Variants in GRM5 observed in about 807,000 individuals in gnomAD.
The protein encoded by GRM5 is metabotropic glutamate receptor 5.
In GRM5, 19 loss-of-function variants were observed where a neutral mutation model predicts 83.1. The observed-to-expected ratio is 0.23, with a 90% CI of 0.16 to 0.34. The LOEUF (loss-of-function observed/expected upper bound fraction) is 0.34, where lower values mean the gene tolerates loss of function less well. Ranked by LOEUF, GRM5 falls within the 10% of genes least tolerant of loss-of-function variation. The pLI is 1.00. For missense variants in GRM5, 1,160 were observed against 1,588.3 expected (o/e 0.73, Z 4.58); for synonymous variants, 675 against 633.6 (o/e 1.07, Z -0.98).
intron 3 of GRM5, among the ~76,000 whole-genome samples, chr11:88,751,085 A>C (rs1043941517): frequency 6.7e-6 from 1 of 148,188 alleles, no homozygotes; most frequent in African/African-American, 2.4e-5. Context: ...AAAAAAAAAA[A>C]AAAAAAAAAA....
At chr11:89,007,715 G>T (rs935323742) in intron 2 of GRM5, among the ~76,000 whole-genome samples, 12 of 152,190 alleles carry the variant, frequency 7.9e-5, no homozygotes, top group Admixed American at 3.9e-4. Flanking sequence ...AGAACCTCTG[G>T]TAGCAGAATG....
chr11:88,664,628 G>A (rs1190024932), intron 3 of GRM5, among the ~76,000 whole-genome samples: 2 of 152,008 alleles, frequency 1.3e-5, no homozygotes, highest in Non-Finnish European at 2.9e-5. Context: ...TGTATTTTTA[G>A]TTGTGACGGG....
intron 2 of GRM5, among the ~76,000 whole-genome samples, chr11:88,910,104 TTACTC>T (rs1182688715): frequency 1.3e-5 from 2 of 152,084 alleles, no homozygotes; most frequent in Non-Finnish European, 2.9e-5. Context: ...CTGGTAGTCT[TTACTC>T]TACTTTCTAC....
intron 2 of GRM5, among the ~76,000 whole-genome samples, chr11:88,872,077 G>A (rs1944777696): frequency 6.6e-6 from 1 of 151,418 alleles, no homozygotes; most frequent in South Asian, 2.1e-4. Context: ...TACATTTTTA[G>A]TGAGAAACAA....
intron 3 of GRM5, among the ~76,000 whole-genome samples, chr11:88,675,850 C>T (rs1940313756): frequency 6.6e-6 from 1 of 151,924 alleles, no homozygotes; most frequent in South Asian, 2.1e-4. Context: ...AATTGGGAGT[C>T]CAATGTGGCC....
At chr11:88,737,786 T>A (rs951568962) in intron 3 of GRM5, among the ~76,000 whole-genome samples, 6 of 152,086 alleles carry the variant, frequency 3.9e-5, no homozygotes, top group Admixed American at 1.3e-4. Flanking sequence ...CTATCTATAC[T>A]ACAATATGCA....
chr11:88,708,074 A>G (rs1000793295), intron 3 of GRM5, among the ~76,000 whole-genome samples: 3 of 152,120 alleles, frequency 2.0e-5, no homozygotes, highest in Admixed American at 6.6e-5. Context: ...TGTTTAAAGA[A>G]AACACTATGT....
intron 3 of GRM5, among the ~76,000 whole-genome samples, chr11:88,830,140 G>C (rs1303328545): frequency 6.6e-6 from 1 of 151,958 alleles, no homozygotes; most frequent in Non-Finnish European, 1.5e-5. Context: ...ATATGCACTA[G>C]CATAATGTCT....
At chr11:88,720,434 G>T (rs1385115595) in intron 3 of GRM5, among the ~76,000 whole-genome samples, 1 of 152,002 alleles carries the variant, frequency 6.6e-6, no homozygotes, top group Non-Finnish European at 1.5e-5. Flanking sequence ...TCAGCCTCTG[G>T]TACAAGGTAA....
Position 88,508,695 on chromosome 11 carries a change from G to A in GRM5, c.3536C>T (p.Thr1179Ile), listed in dbSNP as rs749964733. ...FRDSVDSGST[T>I]PNSPVSESAL... ...CGACTCGGACACTGGCGAGTTGGGG[G>A]TTGTGCTCCCCGAGTCCACCGAGTC... Residue 1179 changes from threonine (T) to isoleucine (I), a missense_variant, in exon 10 of 10, where the codon ACC (threonine) becomes ATC (isoleucine). By Grantham distance (89) the Thr-to-Ile change is moderately conservative. Transcript: ENST00000305447. This position sits in a 1 kb window ranked among gnomAD's most constrained non-coding sequence, Gnocchi z 4.2. 6.2e-6 allele frequency: 10 copies of A among 1,605,126 alleles called. No individual in the cohort carries two copies. Among genetic ancestry groups the A allele is most frequent in the African/African-American group, 1.4e-5 (1 of 73,618 alleles).
chr11:88,859,846 C>T (rs1470936368), intron 2 of GRM5, among the ~76,000 whole-genome samples: 4 of 152,092 alleles, frequency 2.6e-5, no homozygotes, highest in Admixed American at 2.6e-4. Flanking sequence ...CAAAAGATTA[C>T]AGATGTATGT....
At chr11:88,635,136 G>C (rs1199432822) in intron 4 of GRM5, among the ~76,000 whole-genome samples, 1 of 152,050 alleles carries the variant, frequency 6.6e-6, no homozygotes, top group Non-Finnish European at 1.5e-5. Flanking sequence ...ATGAGCATTG[G>C]GTACAGATAC....
intron 3 of GRM5, among the ~76,000 whole-genome samples, chr11:88,769,856 C>T (rs996977847): frequency 1.4e-4 from 22 of 152,010 alleles, no homozygotes; most frequent in Non-Finnish European, 1.0e-4. Flanking sequence ...GAGAGCAAAA[C>T]TCTCCACTGT....
chr11:88,919,938 A>G (rs1432544352), intron 2 of GRM5, among the ~76,000 whole-genome samples: 1 of 152,074 alleles, frequency 6.6e-6, no homozygotes, highest in Non-Finnish European at 1.5e-5. Flanking sequence ...AAGTGCCTAC[A>G]TTAAAAAGGC....
At chr11:88,894,108 T>C (rs886542308) in intron 2 of GRM5, among the ~76,000 whole-genome samples, 1 of 151,944 alleles carries the variant, frequency 6.6e-6, no homozygotes, top group Non-Finnish European at 1.5e-5. Context: ...CTCTGTTAGC[T>C]ATGTGTACTC....
intron 8 of GRM5, among the ~76,000 whole-genome samples, chr11:88,537,805 C>T (rs1172813095): frequency 4.6e-5 from 7 of 151,936 alleles, no homozygotes; most frequent in Admixed American, 4.6e-4. Flanking sequence ...TCAGATAAAT[C>T]AGATTAAAAA....
At chr11:89,061,437 A>G (rs944886518) in intron 1 of GRM5, among the ~76,000 whole-genome samples, 8 of 152,228 alleles carry the variant, frequency 5.3e-5, no homozygotes, top group African/African-American at 1.9e-4. Context: ...ATAAAATATT[A>G]AATGGGTTTT....
At chr11:88,909,500 C>G (rs1299876611) in intron 2 of GRM5, among the ~76,000 whole-genome samples, 12 of 140,024 alleles carry the variant, frequency 8.6e-5, no homozygotes, top group Non-Finnish European at 1.8e-4. Context: ...TCTCATGCTT[C>G]TTTTTAATAA....
intron 8 of GRM5, among the ~76,000 whole-genome samples, chr11:88,535,605 CT>C (rs1200064515): frequency 1.3e-5 from 2 of 152,172 alleles, no homozygotes; most frequent in African/African-American, 4.8e-5. Flanking sequence ...ATTTAAGCCA[CT>C]TTGAGTTAGG....
Sources: gnomAD v4.1 joint callset for allele counts (sites outside exome capture counted in the v4.1 genomes callset) on GRCh38, gnomAD v4.1.1 for gene constraint, Gnocchi (gnomAD v3.1) non-coding constraint, MANE v1.5 for transcripts, NCBI Gene and HGNC (gene_info 2026-07-23, HGNC 2026-07-21) for gene names.